Variants in KAT14 observed in about 807,000 individuals in gnomAD.
KAT14 encodes cysteine-rich protein 2-binding protein.
A neutral mutation model predicts 78.4 loss-of-function variants in KAT14; 66 were observed. The observed-to-expected ratio is 0.84, with a 90% CI of 0.69 to 1.03. The LOEUF (loss-of-function observed/expected upper bound fraction) is 1.03, where lower values mean the gene tolerates loss of function less well. Among genes scored for constraint, KAT14 ranks in the 50% least tolerant of loss-of-function variants. The pLI is 0.00. For missense variants in KAT14, 870 were observed against 972.5 expected, an observed-to-expected ratio of 0.89 and a Z score of 1.40; for synonymous variants, 344 against 359.4, an observed-to-expected ratio of 0.96 and a Z score of 0.48.
intron 1 of KAT14, among the ~76,000 whole-genome samples, chr20:18,140,834 A>AG: frequency 6.7e-6 from 1 of 149,386 alleles, no homozygotes; most frequent in East Asian, 2.0e-4. Context: ...AAAAAAAAAA[A>AG]AACCAATAAA....
intron 1 of KAT14, chr20:18,138,630 T>G (rs1442779620): frequency 9.7e-6 from 2 of 206,360 alleles, no homozygotes; most frequent in African/African-American, 4.7e-5. Flanking sequence ...TTTGCACTTC[T>G]CGTTTAAATG....
intron 7 of KAT14, among the ~76,000 whole-genome samples, chr20:18,170,773 G>A (rs1337029941): frequency 1.2e-4 from 19 of 152,280 alleles, no homozygotes; most frequent in Admixed American, 6.5e-4. Context: ...TCCTGACCTC[G>A]TGGTCCGCCC....
intron 2 of KAT14, chr20:18,143,164 T>G (rs1461447325): frequency 3.3e-5 from 41 of 1,229,544 alleles, no homozygotes; most frequent in Non-Finnish European, 3.9e-5. Flanking sequence ...TTGAGAAAAT[T>G]GGAAATCCTG....
At chr20:18,153,975 A>G (rs996345470) in intron 4 of KAT14, among the ~76,000 whole-genome samples, 1 of 152,230 alleles carries the variant, frequency 6.6e-6, no homozygotes, top group Non-Finnish European at 1.5e-5. Flanking sequence ...ACAAGTGTTA[A>G]TGAGAATTTA....
In KAT14 at chr20:18,187,321, A is replaced by T. The variant is rs750217962; in HGVS notation, c.2208A>T (p.Ser736=). The T allele has an allele frequency of 6.2e-7, 1 of 1,613,588 alleles. No individual in the cohort carries two copies. The change falls in exon 11 of 11, where the codon TCA becomes TCT. Residue 736 remains serine (S), a synonymous_variant. Coordinates refer to ENST00000688188, the MANE Select transcript of KAT14 (RefSeq NM_001392073.1). ...CMGKDVTLHV[S]ASNPAMLLYQ... is the part of the protein sequence containing the mutation. Reference sequence around the variant, plus strand: ...GCAAGGACGTAACCCTTCACGTCTCAGCAAGCAACCCCGCTATGCTACTGT... The same window carrying T: ...GCAAGGACGTAACCCTTCACGTCTCTGCAAGCAACCCCGCTATGCTACTGT...
intron 1 of KAT14, among the ~76,000 whole-genome samples, chr20:18,141,047 A>ATT (rs59461611): frequency 3.7e-4 from 34 of 92,848 alleles, no homozygotes; most frequent in African/African-American, 1.5e-3. Context: ...TTTTTTTTTT[A>ATT]TTTTTATTTT....
intron 1 of KAT14, among the ~76,000 whole-genome samples, chr20:18,139,674 G>GTGTGTGTGTGTGTGTGT (rs2037451750): frequency 1.1e-5 from 1 of 87,950 alleles, no homozygotes. Context: ...GTGTGTGTGT[G>GTGTGTGTGTGTGTGTGT]TTTATTTTTT....
chr20:18,162,084 G>A lies in KAT14; in HGVS notation c.944G>A (p.Ser315Asn). 6.2e-7 allele frequency: 1 copy of A among 1,614,206 alleles called. No homozygotes were observed. The highest frequency in any genetic ancestry group is 8.5e-7 in the Non-Finnish European group (1 of 1,180,044). Residue 315 changes from serine (S) to asparagine (N), a missense_variant, in exon 6 of 11, where the codon AGC becomes AAC. Transcript: ENST00000688188. ...GAAGTGATTGACTTTTCCTCCTTGA[G>A]CTCCTCTGACCGCACCCCGCTGACA... Reference protein sequence around the residue: ...KGEVIDFSSLSSSDRTPLTSP... With the variant: ...KGEVIDFSSLNSSDRTPLTSP...
At chr20:18,162,350 G>C (rs1472122646) in intron 6 of KAT14, 27 bp from the exon 7 acceptor site, 2 of 1,603,782 alleles carry the variant, frequency 1.2e-6, no homozygotes, top group Non-Finnish European at 1.7e-6. Flanking sequence ...CCTATGTCTT[G>C]ATGACACTGT....
intron 5 of KAT14, among the ~76,000 whole-genome samples, chr20:18,160,900 C>T (rs917329519): frequency 6.6e-6 from 1 of 152,032 alleles, no homozygotes; most frequent in Non-Finnish European, 1.5e-5. Flanking sequence ...TAAGGCCGGG[C>T]ATGGTGGCTC....
At position 18,162,590 on chromosome 20, in the gene KAT14, C is replaced by T; in HGVS notation, c.1313C>T (p.Thr438Ile). ...EDTDSNTSLQTRAREKRKPQL... is the reference protein window; with the variant it reads ...EDTDSNTSLQIRAREKRKPQL... ...ACAGATTCAAACACATCTTTGCAAA[C>T]AAGGGCTAGAGAAAAGAGGAAGCCT... is the stretch of plus-strand genomic sequence containing the variant. The change falls in exon 7 of 11, where the codon ACA becomes ATA. Residue 438 changes from threonine to isoleucine, a missense_variant. Coordinates refer to ENST00000688188, the MANE Select transcript of KAT14 (RefSeq NM_001392073.1). 6.2e-7 allele frequency: 1 copy of T among 1,614,116 alleles called. No homozygotes were observed. The highest frequency in any genetic ancestry group is 1.3e-5 in the African/African-American group (1 of 75,020).
At chr20:18,160,422 C>G (rs2038377180) in intron 5 of KAT14, among the ~76,000 whole-genome samples, 1 of 151,998 alleles carries the variant, frequency 6.6e-6, no homozygotes, top group South Asian at 2.1e-4. Flanking sequence ...ATGAGTTTTC[C>G]ATTTTTGCCA....
chr20:18,161,981 C>T lies in KAT14; in HGVS notation c.841C>T (p.Leu281Phe). The change falls in exon 6 of 11, where the codon CTT (leucine) becomes TTT (phenylalanine). Residue 281 changes from leucine (L) to phenylalanine (F), a missense_variant. Physicochemically the swap from Leu to Phe is conservative, Grantham distance 22. Transcript: ENST00000688188. ...AGCCCAGAAGGAGGCCGCTGGCTTT[C>T]TTGACAGGAGCACATCTTCTACCCC... ...RRAQKEAAGF[L>F]DRSTSSTPVK... 1 of 1,614,270 alleles carries T rather than the reference C, an allele frequency of 6.2e-7. No homozygotes were observed. The highest frequency in any genetic ancestry group is 8.5e-7 in the Non-Finnish European group (1 of 1,180,056).
At position 18,162,984 on chromosome 20, in the gene KAT14, G is replaced by T. The variant is rs574687841; in HGVS notation, c.1668+39G>T. 11 of 1,595,266 alleles carry T rather than the reference G, an allele frequency of 6.9e-6. No individual in the cohort carries two copies. In the South Asian group the frequency reaches 1.0e-4, roughly 15 times the overall value. On this transcript the variant is annotated intron_variant, in intron 7 of 10. Coordinates refer to ENST00000688188, the MANE Select transcript of KAT14 (RefSeq NM_001392073.1). Reference sequence around the variant, plus strand: ...CTTGCTGTAAAGCCCTTGGGGGCAGGAGTGGAGGTGGGGCAGGCAGCACTA... The same window carrying T: ...CTTGCTGTAAAGCCCTTGGGGGCAGTAGTGGAGGTGGGGCAGGCAGCACTA...
At chr20:18,173,793 T>C (rs181982017) in intron 7 of KAT14, among the ~76,000 whole-genome samples, 3 of 152,338 alleles carry the variant, frequency 2.0e-5, no homozygotes, top group Non-Finnish European at 4.4e-5. Context: ...TCCATTACCT[T>C]GGAGGCTATT....
chr20:18,165,954 C>T (rs1257416748), intron 7 of KAT14, among the ~76,000 whole-genome samples: 1 of 152,088 alleles, frequency 6.6e-6, no homozygotes, highest in Non-Finnish European at 1.5e-5. Flanking sequence ...TGAAGACAAG[C>T]TGAGCGTAGA....
At chr20:18,147,549 G>A (rs1490018242) in intron 3 of KAT14, among the ~76,000 whole-genome samples, 1 of 151,990 alleles carries the variant, frequency 6.6e-6, no homozygotes, top group African/African-American at 2.4e-5. Context: ...ATGTAATATT[G>A]GCTCACTTTG....
chr20:18,168,353 C>A (rs1228647106), intron 7 of KAT14, among the ~76,000 whole-genome samples: 1 of 152,008 alleles, frequency 6.6e-6, no homozygotes, highest in African/African-American at 2.4e-5. Flanking sequence ...TATGGTGAAA[C>A]CCCGTCTCTA....
rs952902028 is a variant in KAT14 at position 18,159,271 on chromosome 20, G to A, written c.682+6G>A. 2 of 1,613,390 alleles carry A rather than the reference G, an allele frequency of 1.2e-6. No homozygotes were observed. Among genetic ancestry groups the A allele is most frequent in the Non-Finnish European group, 8.5e-7 (1 of 1,179,838 alleles). Reference sequence around the variant, plus strand: ...CTCTACTTTGAAAATAAAAGGTACTGTTGTGAGAACAGTACAAAAGTTGCT... The same window carrying A: ...CTCTACTTTGAAAATAAAAGGTACTATTGTGAGAACAGTACAAAAGTTGCT... On this transcript the variant is annotated splice_donor_region_variant and intron_variant, in intron 5 of 10. Coordinates refer to ENST00000688188, the MANE Select transcript of KAT14 (RefSeq NM_001392073.1).
Sources: allele counts gnomAD v4.1 joint callset (sites outside exome capture counted in the v4.1 genomes callset), GRCh38; gene constraint gnomAD v4.1.1; transcripts MANE v1.5; gene names NCBI Gene and HGNC (gene_info 2026-07-23, HGNC 2026-07-21).